CADPS: variants seen among roughly 807,000 people sequenced by gnomAD.
CADPS encodes the protein calcium dependent secretion activator, also known as calcium-dependent secretion activator 1.
A neutral mutation model predicts 167.3 loss-of-function variants in CADPS; 57 were observed. That is an observed-to-expected ratio of 0.34 (90% CI 0.28 to 0.42). CADPS has a LOEUF of 0.42. Ranked by LOEUF, CADPS falls within the 20% of genes least tolerant of loss-of-function variation. The probability of loss-of-function intolerance (pLI) is 1.00; values close to 1 mark genes in which losing one functional copy is unlikely to be tolerated. For synonymous variants in CADPS, 676 were observed against 635.3 expected, an observed-to-expected ratio of 1.06 and a Z score of -0.96; for missense variants, 1,414 against 1,738.1, an observed-to-expected ratio of 0.81 and a Z score of 3.32.
chr3:62,750,739 G>A (rs984826266), intron 3 of CADPS, among the ~76,000 whole-genome samples: 53 of 152,152 alleles, frequency 3.5e-4, no homozygotes, highest in Non-Finnish European at 1.8e-4. Flanking sequence ...GACTGTGCCT[G>A]CATATTGTGC....
At chr3:62,652,535 T>A (rs549549361) in intron 4 of CADPS, among the ~76,000 whole-genome samples, 1 of 152,180 alleles carries the variant, frequency 6.6e-6, no homozygotes, top group South Asian at 2.1e-4. Flanking sequence ...CTGAGAGACA[T>A]TGAGACTGCA....
At chr3:62,526,185 T>A (rs1486713593) in intron 13 of CADPS, among the ~76,000 whole-genome samples, 4 of 152,118 alleles carry the variant, frequency 2.6e-5, no homozygotes, top group East Asian at 3.9e-4. Flanking sequence ...CTACAAGGGA[T>A]CACATGGTCT....
At chr3:62,435,110 T>C (rs1204041092) in intron 28 of CADPS, among the ~76,000 whole-genome samples, 1 of 152,194 alleles carries the variant, frequency 6.6e-6, no homozygotes, top group Non-Finnish European at 1.5e-5. Flanking sequence ...TTTATCAAAA[T>C]GCAACGATTT....
chr3:62,770,691 G>A (rs1480898155), intron 1 of CADPS, among the ~76,000 whole-genome samples: 2 of 152,208 alleles, frequency 1.3e-5, no homozygotes, highest in Admixed American at 6.5e-5. Flanking sequence ...CTCCCAAAGT[G>A]CTGGGATTAT....
At chr3:62,449,226 G>A (rs868680754) in intron 26 of CADPS, among the ~76,000 whole-genome samples, 1 of 152,216 alleles carries the variant, frequency 6.6e-6, no homozygotes, top group Non-Finnish European at 1.5e-5. Context: ...CCTCACTGGA[G>A]AAGCTCAAAC....
At chr3:62,711,400 C>T (rs2083369802) in intron 3 of CADPS, among the ~76,000 whole-genome samples, 1 of 152,124 alleles carries the variant, frequency 6.6e-6, no homozygotes, top group Admixed American at 6.5e-5. Context: ...TGAAATGTTA[C>T]ATTTCAGGTA....
rs2065359667 is a variant in CADPS at position 62,499,495 on chromosome 3, T to C, written c.2600-227A>G. 2.4e-5 allele frequency: 9 copies of C among 368,350 alleles called. No individual in the cohort carries two copies. The South Asian group carries it at 3.2e-4, about 13-fold the overall frequency. 22.8% of individuals were successfully genotyped at this position (368,350 alleles called of 1,614,324 possible). On this transcript the variant is annotated intron_variant, in intron 17 of 29. Transcript: ENST00000383710. ...AAAAAGCAGTGCTCCAGCTTCAAATTTGCATATGAAGCTATATTAAGTCTA... is the reference window on the plus strand; with the variant it reads ...AAAAAGCAGTGCTCCAGCTTCAAATCTGCATATGAAGCTATATTAAGTCTA...
rs529123568 is a variant in CADPS at position 62,549,944 on chromosome 3, C to T, written c.1925G>A (p.Gly642Glu). The change falls in exon 11 of 30, where the codon GGA becomes GAA. Residue 642 changes from glycine (G) to glutamate (E), a missense_variant. By Grantham distance (98) the Gly-to-Glu change is moderately conservative (BLOSUM62 -2). This residue lies in a region of CADPS where 529 missense variants were observed against 629.6 expected (regional missense o/e 0.84). Transcript: ENST00000383710. The stretch of plus-strand genomic sequence containing the variant: ...GGCATCCAGCTGAGGTACATTTCCT[C>T]CCTTGGCGTTGAGTTTCTGGACTTG... ...PTQVQKLNAK[G>E]GNVPQLDAPI... 7 of 1,614,096 alleles carry T rather than the reference C, an allele frequency of 4.3e-6. No homozygotes were observed. Among genetic ancestry groups the T allele is most frequent in the Non-Finnish European group, 5.9e-6 (7 of 1,179,968 alleles).
intron 17 of CADPS, among the ~76,000 whole-genome samples, chr3:62,509,971 G>T (rs2067428028): frequency 6.6e-6 from 1 of 152,106 alleles, no homozygotes; most frequent in Admixed American, 6.6e-5. Flanking sequence ...CATCTGTAAA[G>T]GGTGCAAAAA....
intron 3 of CADPS, among the ~76,000 whole-genome samples, chr3:62,734,594 C>A (rs1564463974): frequency 6.6e-6 from 1 of 152,118 alleles, no homozygotes; most frequent in Non-Finnish European, 1.5e-5. Context: ...ACTCTCAATA[C>A]AATGTCTATG....
intron 4 of CADPS, among the ~76,000 whole-genome samples, chr3:62,655,632 T>C (rs1456590592): frequency 6.6e-6 from 1 of 152,030 alleles, no homozygotes; most frequent in Non-Finnish European, 1.5e-5. Context: ...AGAGGATGAA[T>C]GGGGTATGTA....
chr3:62,759,272 T>A (rs2084765503), intron 2 of CADPS, among the ~76,000 whole-genome samples: 1 of 152,166 alleles, frequency 6.6e-6, no homozygotes, highest in African/African-American at 2.4e-5. Flanking sequence ...GATCCCTGAA[T>A]CCTGATTCAG....
rs1048612013 is a variant in CADPS, at chr3:62,660,233, G to A, written c.969+2081C>T. Among the ~76,000 whole-genome samples the A allele has an allele frequency of 2.6e-5, 4 of 152,266 alleles. No individual in the cohort carries two copies. In the East Asian group the frequency reaches 7.7e-4, roughly 29 times the overall value. ...TGCCATGAGCTTGTTTTTGAGGTGT[G>A]TGTGATTTTTATTTAGATGGGATGA... On this transcript the variant is annotated intron_variant, in intron 4 of 29. Transcript: ENST00000383710.
At chr3:62,504,959 T>C (rs1417831157) in intron 17 of CADPS, among the ~76,000 whole-genome samples, 3 of 152,204 alleles carry the variant, frequency 2.0e-5, no homozygotes, top group Non-Finnish European at 4.4e-5. Flanking sequence ...ATATGATTGA[T>C]GGAAACTCAC....
At chr3:62,784,633 C>A (rs1248276961) in intron 1 of CADPS, among the ~76,000 whole-genome samples, 1 of 151,850 alleles carries the variant, frequency 6.6e-6, no homozygotes, top group Non-Finnish European at 1.5e-5. Context: ...GATCCTATTA[C>A]CAATTTATGG....
chr3:62,482,059 C>T (rs946643737), intron 21 of CADPS, among the ~76,000 whole-genome samples, 190 bp from the exon 22 acceptor site: 2 of 152,172 alleles, frequency 1.3e-5, no homozygotes, highest in Non-Finnish European at 2.9e-5. Flanking sequence ...AGAGAAATGA[C>T]AAAAGTTAAT....
At chr3:62,415,696 A>C (rs912382701) in intron 28 of CADPS, among the ~76,000 whole-genome samples, 4 of 152,174 alleles carry the variant, frequency 2.6e-5, no homozygotes, top group Non-Finnish European at 5.9e-5. Flanking sequence ...GTGTGTGAAC[A>C]AGTGCCATAC....
intron 1 of CADPS, among the ~76,000 whole-genome samples, chr3:62,830,611 TAAAC>T (rs914025634): frequency 2.6e-5 from 4 of 152,132 alleles, no homozygotes. Context: ...CACTCAGTCA[TAAAC>T]AAAGTCTCCC....
intron 9 of CADPS, among the ~76,000 whole-genome samples, chr3:62,564,968 C>G (rs2079873363): frequency 6.6e-6 from 1 of 152,126 alleles, no homozygotes; most frequent in South Asian, 2.1e-4. Context: ...AGCGTTAAGA[C>G]TTTCTAACCT....
Sources: allele counts gnomAD v4.1 joint callset (sites outside exome capture counted in the v4.1 genomes callset), GRCh38; gene constraint gnomAD v4.1.1; regional missense constraint gnomAD v4.1.1; transcripts MANE v1.5; gene names NCBI Gene and HGNC (gene_info 2026-07-23, HGNC 2026-07-21).